NECTIN3: variants seen among roughly 807,000 people sequenced by gnomAD.
The protein encoded by NECTIN3 is nectin cell adhesion molecule 3.
Under a neutral mutation model 49.4 loss-of-function variants are expected in NECTIN3, and 8 were observed. That is an observed-to-expected ratio of 0.16 (90% CI 0.10 to 0.29). The LOEUF is 0.29. Among genes scored for constraint, NECTIN3 ranks in the 10% least tolerant of loss-of-function variants. The probability of loss-of-function intolerance (pLI) is 1.00; values close to 1 mark genes in which losing one functional copy is unlikely to be tolerated. For synonymous variants in NECTIN3, 277 were observed against 241.1 expected (o/e 1.15, Z -1.38); for missense variants, 581 against 654.6 (o/e 0.89, Z 1.23).
chr3:111,090,568 TTGTGTG>T (rs10596117), intron 1 of NECTIN3, among the ~76,000 whole-genome samples: 12,299 of 147,752 alleles, frequency 0.083, 719 homozygotes, highest in African/African-American at 0.17. Flanking sequence ...GTTTGCTTGT[TTGTGTG>T]TGTGTGTGTG....
chr3:111,145,714 T>C (rs1041339031), intron 6 of NECTIN3, among the ~76,000 whole-genome samples: 8 of 152,194 alleles, frequency 5.3e-5, no homozygotes, highest in African/African-American at 1.4e-4. Context: ...GTTGAGATGA[T>C]AGTAGAATAA....
intron 7 of NECTIN3, among the ~76,000 whole-genome samples, chr3:111,183,285 A>G (rs952224011): frequency 6.6e-6 from 1 of 151,766 alleles, no homozygotes; most frequent in Non-Finnish European, 1.5e-5. Context: ...AGATCTACTG[A>G]TAAAACAATT....
chr3:111,152,872 T>A (rs1470474893), intron 7 of NECTIN3, among the ~76,000 whole-genome samples: 1 of 151,990 alleles, frequency 6.6e-6, no homozygotes, highest in Non-Finnish European at 1.5e-5. Context: ...CATCATTATA[T>A]CTTTTTAAAA....
chr3:111,172,896 G>T (rs1452595444), intron 7 of NECTIN3, among the ~76,000 whole-genome samples: 1 of 152,168 alleles, frequency 6.6e-6, no homozygotes, highest in Non-Finnish European at 1.5e-5. Flanking sequence ...ACATGAGATT[G>T]CAGCAAATCA....
At chr3:111,138,648 GT>G (rs966969218), downstream of NECTIN3, among the ~76,000 whole-genome samples, 2 of 151,568 alleles carry the variant, frequency 1.3e-5, no homozygotes, top group Non-Finnish European at 3.0e-5. Context: ...ACATGATTCA[GT>G]TTTGGGATAT....
chr3:111,181,691 C>T (rs919741304), intron 7 of NECTIN3, among the ~76,000 whole-genome samples: 6 of 152,028 alleles, frequency 3.9e-5, no homozygotes, highest in Non-Finnish European at 1.5e-5. Flanking sequence ...TCATAATACA[C>T]TTTTTTAACC....
intron 1 of NECTIN3, among the ~76,000 whole-genome samples, chr3:111,104,798 A>G (rs1319178988): frequency 1.3e-5 from 2 of 152,102 alleles, no homozygotes; most frequent in Non-Finnish European, 2.9e-5. Context: ...GATGAAGACA[A>G]CTCATTGTGC....
rs186151803 is a variant in NECTIN3, at chr3:111,172,697, A to G, written c.1222-19654A>G. On this transcript the variant is annotated intron_variant, in intron 7 of 8. Coordinates refer to the NECTIN3 transcript ENST00000493615. ...CTCATTATAGAATTCTCCACCCACA[A>G]ATTGTTATCAGGTGAATATTTTTCC... Among the ~76,000 whole-genome samples, 1,000 of 152,310 alleles carry G rather than the reference A, an allele frequency of 6.6e-3. 7 individuals carry two copies. Among genetic ancestry groups the G allele is most frequent in the Non-Finnish European group, 0.011 (757 of 68,022 alleles).
chr3:111,167,701 G>T (rs1160392813), intron 7 of NECTIN3, among the ~76,000 whole-genome samples: 1 of 151,976 alleles, frequency 6.6e-6, no homozygotes, highest in Non-Finnish European at 1.5e-5. Flanking sequence ...GGAGGTGAGT[G>T]GTCTCCTTTG....
At chr3:111,160,745 C>T (rs1472726514) in intron 7 of NECTIN3, among the ~76,000 whole-genome samples, 1 of 152,180 alleles carries the variant, frequency 6.6e-6, no homozygotes, top group African/African-American at 2.4e-5. Context: ...CAGTGGCTAA[C>T]GCCTGTAATC....
upstream of NECTIN3, among the ~76,000 whole-genome samples, chr3:111,189,777 G>A (rs1314518943): frequency 3.3e-5 from 5 of 152,222 alleles, no homozygotes; most frequent in African/African-American, 9.6e-5. Flanking sequence ...TGTCAAGATG[G>A]CATTATTAGG....
At chr3:111,126,554 C>T (rs1055029715) in intron 5 of NECTIN3, among the ~76,000 whole-genome samples, 2 of 152,098 alleles carry the variant, frequency 1.3e-5, no homozygotes, top group Non-Finnish European at 2.9e-5. Context: ...GTCTGTGCAA[C>T]AAGTTTATTT....
chr3:111,140,643 C>A (rs1161192544), downstream of NECTIN3, among the ~76,000 whole-genome samples: 1 of 151,842 alleles, frequency 6.6e-6, no homozygotes, highest in Non-Finnish European at 1.5e-5. Context: ...TCATACAATT[C>A]TTCCTTTACA....
intron 7 of NECTIN3, among the ~76,000 whole-genome samples, chr3:111,184,880 A>G (rs1162491244): frequency 1.3e-5 from 2 of 152,244 alleles, no homozygotes; most frequent in Non-Finnish European, 2.9e-5. Flanking sequence ...ATGGTTATAG[A>G]GTAGCCTATC....
intron 3 of NECTIN3, among the ~76,000 whole-genome samples, chr3:111,120,781 T>C (rs924434619): frequency 3.9e-5 from 6 of 152,066 alleles, no homozygotes; most frequent in South Asian, 2.1e-4. Context: ...TAGCACTTCA[T>C]TGGGGAAGCC....
chr3:111,191,221 C>G (rs1011768056), upstream of NECTIN3, among the ~76,000 whole-genome samples: 2 of 152,172 alleles, frequency 1.3e-5, no homozygotes, highest in African/African-American at 4.8e-5. Flanking sequence ...TTACCACTTA[C>G]CAGTTGTGTG....
Position 111,179,201 on chromosome 3 carries a change from C to T in NECTIN3, c.1222-13150C>T, listed in dbSNP as rs117623597. On this transcript the variant is annotated intron_variant, in intron 7 of 8. Transcript: ENST00000493615. ...TCTTTCTTAAATGCTAGAACCTCTCCTCCAGTCTATCTAAGTCCCAAGGAT... is the reference window on the plus strand; with the variant it reads ...TCTTTCTTAAATGCTAGAACCTCTCTTCCAGTCTATCTAAGTCCCAAGGAT... 8.2e-4 allele frequency among the ~76,000 whole-genome samples: 125 copies of T among 152,296 alleles called. No individual in the cohort carries two copies. In the East Asian group the frequency reaches 0.02, roughly 25 times the overall value.
chr3:111,096,513 G>C, intron 1 of NECTIN3, among the ~76,000 whole-genome samples: 1 of 152,166 alleles, frequency 6.6e-6, no homozygotes, highest in Non-Finnish European at 1.5e-5. Flanking sequence ...AAGACAATGG[G>C]GAAAACGTCT....
At chr3:111,090,135 A>AT (rs1383988771) in intron 1 of NECTIN3, among the ~76,000 whole-genome samples, 1 of 152,182 alleles carries the variant, frequency 6.6e-6, no homozygotes, top group East Asian at 1.9e-4. Flanking sequence ...GTGTCCTTAA[A>AT]TTTAAGACGT....
Sources: allele counts gnomAD v4.1 joint callset (sites outside exome capture counted in the v4.1 genomes callset), GRCh38; gene constraint gnomAD v4.1.1; transcripts MANE v1.5; gene names NCBI Gene and HGNC (gene_info 2026-07-23, HGNC 2026-07-21).